Variants in UBL3 observed in about 807,000 individuals in gnomAD.
UBL3 encodes the protein ubiquitin-like protein 3.
UBL3 carries 6 observed loss-of-function variants against 18.4 expected under a neutral mutation model. The observed-to-expected ratio is 0.33, with a 90% CI of 0.18 to 0.64. The LOEUF (loss-of-function observed/expected upper bound fraction) is 0.64, where lower values mean the gene tolerates loss of function less well. Ranked by LOEUF, UBL3 falls within the 30% of genes least tolerant of loss-of-function variation. The pLI is 0.76. For synonymous variants in UBL3, 49 were observed against 46.6 expected, an observed-to-expected ratio of 1.05 and a Z score of -0.21; for missense variants, 109 against 142.9, an observed-to-expected ratio of 0.76 and a Z score of 1.21.
chr13:29,776,921 AACAGTTCTAAGACAGAAGC>A (rs1225589320), intron 2 of UBL3, among the ~76,000 whole-genome samples: 1 of 149,942 alleles, frequency 6.7e-6, no homozygotes, highest in African/African-American at 2.4e-5. Context: ...CTTACGTTAA[AACAGTTCTAAGACAGAAGC>A]AGAGCCATTG....
chr13:29,780,270 C>T lies in UBL3; in HGVS notation c.28-3007G>A, dbSNP rs183461158. Among the ~76,000 whole-genome samples the T allele has an allele frequency of 7.7e-3, 1,129 of 146,746 alleles. 17 individuals are homozygous for T. Among genetic ancestry groups the T allele is most frequent in the African/African-American group, 0.026 (1,042 of 39,700 alleles). ...TCGGGAGGCTGAGGCAGGAGAATGG[C>T]GTGAACCTGGGAGGTGGAGCTTGCA... is the stretch of plus-strand genomic sequence containing the variant. On this transcript the variant is annotated intron_variant, in intron 1 of 4. Coordinates refer to ENST00000380680, the MANE Select transcript of UBL3 (RefSeq NM_007106.4).
intron 1 of UBL3, among the ~76,000 whole-genome samples, chr13:29,789,233 T>C (rs1877423183): frequency 6.6e-6 from 1 of 152,142 alleles, no homozygotes; most frequent in African/African-American, 2.4e-5. Flanking sequence ...AGTTTCAGTT[T>C]TGCAAAATGA....
intron 1 of UBL3, chr13:29,779,113 T>A (rs1386823746): frequency 2.7e-6 from 1 of 375,468 alleles, no homozygotes; most frequent in African/African-American, 2.2e-5. Flanking sequence ...GTTCAAGAAG[T>A]AGTCTGCAAG....
At chr13:29,820,229 C>G (rs3118079) in intron 1 of UBL3, among the ~76,000 whole-genome samples, 1 of 142,422 alleles carries the variant, frequency 7.0e-6, no homozygotes. Context: ...GGCTGGAGAG[C>G]TCAGTGGCTC....
chr13:29,767,121 G>A lies in UBL3; in HGVS notation c.*134C>T. On this transcript the variant is annotated 3_prime_UTR_variant, in exon 5 of 5. Transcript: ENST00000380680. ...TACTTTCATGAGAAAAGATGACAGT[G>A]TTCATGTGGTAATTCAGTTCCATGT... 1 of 746,742 alleles carries A rather than the reference G, an allele frequency of 1.3e-6. No individual in the cohort carries two copies. The highest frequency in any genetic ancestry group is 2.1e-6 in the Non-Finnish European group (1 of 470,404). The allele number at this position is 746,742 out of a possible 1,614,324, so 46.3% of individuals were successfully genotyped here. A position where few individuals can be genotyped will look rare whatever the true frequency, so the allele number is the denominator to read the frequency against.
chr13:29,789,127 G>C (rs1299336705), intron 1 of UBL3, among the ~76,000 whole-genome samples: 1 of 152,068 alleles, frequency 6.6e-6, no homozygotes, highest in Non-Finnish European at 1.5e-5. Context: ...TCAAACTTTC[G>C]ACCTCAGGTG....
At chr13:29,777,465 G>A (rs1403590130) in intron 1 of UBL3, 2 of 674,084 alleles carry the variant, frequency 3.0e-6, no homozygotes, top group African/African-American at 3.5e-5. Context: ...AAGGGTGTGT[G>A]TGTGTGTCAG....
chr13:29,814,377 C>T (rs1407326523), intron 1 of UBL3, among the ~76,000 whole-genome samples: 1 of 151,678 alleles, frequency 6.6e-6, no homozygotes, highest in Non-Finnish European at 1.5e-5. Context: ...AAATTAATGG[C>T]AATGACATGA....
At position 29,798,315 on chromosome 13, in the gene UBL3, C is replaced by T. The variant is rs188987110; in HGVS notation, c.28-21052G>A. On this transcript the variant is annotated intron_variant, in intron 1 of 4. Transcript: ENST00000380680. Reference sequence around the variant, plus strand: ...TGTTGGGATTACAGGTGTGAGCCACCGCGCCCGACCCTAAACATCTTTAAT... The same window carrying T: ...TGTTGGGATTACAGGTGTGAGCCACTGCGCCCGACCCTAAACATCTTTAAT... Among the ~76,000 whole-genome samples the T allele has an allele frequency of 7.6e-4, 116 of 152,188 alleles. 3 individuals carry two copies. The highest frequency in any genetic ancestry group is 7.1e-3 in the Admixed American group (109 of 15,288).
chr13:29,822,499 C>T (rs1878485031), intron 1 of UBL3, among the ~76,000 whole-genome samples: 2 of 152,190 alleles, frequency 1.3e-5, no homozygotes, highest in Non-Finnish European at 2.9e-5. Context: ...TAATTTGCTT[C>T]TATCTTAGTG....
At chr13:29,823,752 C>T (rs9508561) in intron 1 of UBL3, among the ~76,000 whole-genome samples, 5 of 151,670 alleles carry the variant, frequency 3.3e-5, no homozygotes, top group South Asian at 2.1e-4. Flanking sequence ...AGGGTACATG[C>T]GCACAATGTG....
chr13:29,828,406 C>G (rs369074203), intron 1 of UBL3, among the ~76,000 whole-genome samples: 1 of 152,160 alleles, frequency 6.6e-6, no homozygotes, highest in Admixed American at 6.5e-5. Context: ...AACTTCTCTT[C>G]CCCCTTCATT....
At chr13:29,786,648 C>G (rs1877326546) in intron 1 of UBL3, among the ~76,000 whole-genome samples, 1 of 152,152 alleles carries the variant, frequency 6.6e-6, no homozygotes, top group Admixed American at 6.5e-5. Context: ...GAATTCCTAA[C>G]TATGAATTTA....
At chr13:29,812,897 T>C (rs1000164200) in intron 1 of UBL3, among the ~76,000 whole-genome samples, 1 of 152,108 alleles carries the variant, frequency 6.6e-6, no homozygotes, top group African/African-American at 2.4e-5. Flanking sequence ...AAGTGAAATG[T>C]TATTAAAATT....
At chr13:29,767,766 C>A in intron 3 of UBL3, 71 bp from the exon 4 acceptor site, 1 of 1,374,232 alleles carries the variant, frequency 7.3e-7, no homozygotes, top group Non-Finnish European at 1.0e-6. Context: ...AGATTTAAAA[C>A]CATTTTAAAA....
At chr13:29,805,026 T>C (rs950655609) in intron 1 of UBL3, among the ~76,000 whole-genome samples, 2 of 152,122 alleles carry the variant, frequency 1.3e-5, no homozygotes, top group Admixed American at 1.3e-4. Context: ...CAGGTAACAG[T>C]ACTAACTTGA....
chr13:29,839,529 C>G (rs919340605), intron 1 of UBL3, among the ~76,000 whole-genome samples: 3 of 152,210 alleles, frequency 2.0e-5, no homozygotes, highest in African/African-American at 7.2e-5. Context: ...GTCTGCACAT[C>G]TGTATTCTCA....
chr13:29,850,102 G>A lies in UBL3; in HGVS notation c.-564C>T, dbSNP rs1879333741. On this transcript the variant is annotated 5_prime_UTR_variant, in exon 1 of 5. Transcript: ENST00000380680. ...CGCTGTCGGAGCGCCCGCGCGGACA[G>A]CGCGGGGAAACGGCTCAACTCGCGC... 1 of 152,356 alleles carries A rather than the reference G, an allele frequency of 6.6e-6. No individual in the cohort carries two copies. 9.4% of individuals were successfully genotyped at this position (152,356 alleles called of 1,614,324 possible). A position where few individuals can be genotyped will look rare whatever the true frequency, so the allele number is the denominator to read the frequency against.
At position 29,823,689 on chromosome 13, in the gene UBL3, A is replaced by T. The variant is rs534131596; in HGVS notation, c.27+25823T>A. On this transcript the variant is annotated intron_variant, in intron 1 of 4. Coordinates refer to ENST00000380680, the MANE Select transcript of UBL3 (RefSeq NM_007106.4). ...TCTAAAAGATTCACATCAATTTTAA[A>T]CTTATAAGAAATTACTCATTTTTCT... Among the ~76,000 whole-genome samples the T allele has an allele frequency of 1.2e-4, 19 of 152,240 alleles. No homozygotes were observed. The South Asian group carries it at 3.3e-3, about 27-fold the overall frequency.
Sources: gnomAD v4.1 joint callset for allele counts (sites outside exome capture counted in the v4.1 genomes callset) on GRCh38, gnomAD v4.1.1 for gene constraint, MANE v1.5 for transcripts, NCBI Gene and HGNC (gene_info 2026-07-23, HGNC 2026-07-21) for gene names.